GLDC: variants seen among roughly 807,000 people sequenced by gnomAD.
The protein encoded by GLDC is glycine dehydrogenase (decarboxylating), mitochondrial.
In GLDC, 104 loss-of-function variants were observed where a neutral mutation model predicts 121.3. The ratio of observed to expected loss-of-function variants is 0.86; its 90% CI spans 0.73 to 1.01. GLDC has a LOEUF of 1.01. Among genes scored for constraint, GLDC ranks in the 50% least tolerant of loss-of-function variants. The pLI, the probability that GLDC is intolerant of heterozygous loss-of-function variation, is 0.00. For synonymous variants in GLDC, 546 were observed against 480.6 expected (o/e 1.14, Z -1.78); for missense variants, 1,429 against 1,306.6 (o/e 1.09, Z -1.44).
intron 24 of GLDC, chr9:6,533,929 T>C (rs1386276313): frequency 1.3e-5 from 2 of 150,846 alleles, no homozygotes; most frequent in African/African-American, 4.9e-5. Context: ...AAAAAAAGCA[T>C]CAGCTGGGCG....
At chr9:6,577,574 G>A (rs936822734) in intron 15 of GLDC, among the ~76,000 whole-genome samples, 3 of 152,048 alleles carry the variant, frequency 2.0e-5, no homozygotes, top group Non-Finnish European at 4.4e-5. Context: ...ATATGATCAA[G>A]GCTTTAAAAA....
intron 3 of GLDC, among the ~76,000 whole-genome samples, chr9:6,619,615 C>G (rs183791230): frequency 6.6e-6 from 1 of 152,236 alleles, no homozygotes; most frequent in East Asian, 1.9e-4. Context: ...GTAATCCCAG[C>G]TACTTGGGAG....
At chr9:6,568,613 C>T (rs1201133815) in intron 15 of GLDC, among the ~76,000 whole-genome samples, 22 of 151,590 alleles carry the variant, frequency 1.5e-4, no homozygotes. Flanking sequence ...TTTGGGAGGC[C>T]AAGGTGGGCG....
At chr9:6,558,488 C>T (rs1817680842) in intron 17 of GLDC, 71 bp downstream of exon 17, 1 of 1,527,274 alleles carries the variant, frequency 6.5e-7, no homozygotes, top group African/African-American at 1.4e-5. Flanking sequence ...TTACATAATC[C>T]ATCAAGTCCC....
chr9:6,553,521 T>TG lies in GLDC; in HGVS notation c.2316-13_2316-12insC. 6.2e-7 allele frequency: 1 copy of TG among 1,613,556 alleles called. No homozygotes were observed. The highest frequency in any genetic ancestry group is 8.5e-7 in the Non-Finnish European group (1 of 1,179,602). On this transcript the variant is annotated splice_polypyrimidine_tract_variant and intron_variant, in intron 19 of 24. Coordinates refer to ENST00000321612, the MANE Select transcript of GLDC (RefSeq NM_000170.3). ...CGAGATGTTTCTTCCTGTATTTTTT[T>TG]TAAGTGCAAATTCAGAAAATGTAAA...
rs578108558 is a variant in GLDC, at chr9:6,641,352, A to C, written c.334+3262T>G. Among the ~76,000 whole-genome samples the C allele has an allele frequency of 3.9e-5, 6 of 152,204 alleles. No homozygotes were observed. In the South Asian group the frequency reaches 1.2e-3, roughly 32 times the overall value. On this transcript the variant is annotated intron_variant, in intron 2 of 24. Transcript: ENST00000321612. ...GCTGCCAGGAAGCTGCTGCGTTTCCACTGGGGCAGTTGGCATATGGCAGGG... is the reference window on the plus strand; with the variant it reads ...GCTGCCAGGAAGCTGCTGCGTTTCCCCTGGGGCAGTTGGCATATGGCAGGG...
chr9:6,554,434 C>A (rs1817576580), intron 19 of GLDC, among the ~76,000 whole-genome samples: 1 of 152,162 alleles, frequency 6.6e-6, no homozygotes, highest in African/African-American at 2.4e-5. Flanking sequence ...TGTCTATGTG[C>A]AACTGGAAGC....
chr9:6,563,843 T>C (rs1817803417), intron 16 of GLDC, among the ~76,000 whole-genome samples: 1 of 151,982 alleles, frequency 6.6e-6, no homozygotes, highest in African/African-American at 2.4e-5. Context: ...TCTTTAGACA[T>C]GAATTCTAGG....
At chr9:6,616,563 A>C (rs1041907074) in intron 3 of GLDC, among the ~76,000 whole-genome samples, 1 of 152,228 alleles carries the variant, frequency 6.6e-6, no homozygotes, top group Non-Finnish European at 1.5e-5. Flanking sequence ...TTTCAGGAGA[A>C]AAATACTATC....
intron 16 of GLDC, among the ~76,000 whole-genome samples, chr9:6,564,728 C>A (rs1037142542): frequency 3.3e-5 from 5 of 152,236 alleles, no homozygotes; most frequent in African/African-American, 1.2e-4. Flanking sequence ...GGCACTGCCC[C>A]TGGGGGGAGC....
rs752943013 is a variant in GLDC at position 6,536,196 on chromosome 9, G to A, written c.2706C>T (p.Thr902=). The A allele has an allele frequency of 1.2e-6, 2 of 1,613,894 alleles. No individual in the cohort carries two copies. Among genetic ancestry groups the A allele is most frequent in the South Asian group, 1.1e-5 (1 of 91,044 alleles). The change falls in exon 23 of 25, where the codon ACC becomes ACT. Residue 902 remains threonine, a synonymous_variant. Transcript: ENST00000321612. ...APTMSWPVAG[T]LMVEPTESED... is the part of the protein sequence containing the mutation. ...CCGACTCAGTGGGCTCCACCATGAG[G>A]GTCCCTGCCACAGGCCAGGACATGG...
intron 16 of GLDC, among the ~76,000 whole-genome samples, chr9:6,561,157 C>G (rs1817750268): frequency 6.6e-6 from 1 of 152,126 alleles, no homozygotes; most frequent in Admixed American, 6.6e-5. Context: ...TTGTTTTAAG[C>G]CACTAAGCCT....
chr9:6,632,078 T>G (rs2129988197), intron 2 of GLDC, among the ~76,000 whole-genome samples: 1 of 152,216 alleles, frequency 6.6e-6, no homozygotes. Flanking sequence ...AAAAAAGTCA[T>G]ATGGAGAAAT....
intron 17 of GLDC, chr9:6,557,826 G>C (rs1217146970): frequency 6.5e-6 from 1 of 153,990 alleles, no homozygotes; most frequent in Non-Finnish European, 1.4e-5. Flanking sequence ...CTATAATGGA[G>C]GGACTTAATA....
At chr9:6,550,444 T>C (rs1182087842) in intron 21 of GLDC, among the ~76,000 whole-genome samples, 3 of 152,094 alleles carry the variant, frequency 2.0e-5, no homozygotes, top group Non-Finnish European at 2.9e-5. Flanking sequence ...CTGGCCAATA[T>C]GGTGAAACCC....
intron 20 of GLDC, 54 bp from the exon 21 acceptor site, chr9:6,550,968 G>T: frequency 8.5e-7 from 1 of 1,182,938 alleles, no homozygotes; most frequent in Non-Finnish European, 1.3e-6. Flanking sequence ...ACACGAATGT[G>T]AAGAAACCAA....
At chr9:6,568,028 A>G (rs900997450) in intron 15 of GLDC, among the ~76,000 whole-genome samples, 3 of 152,204 alleles carry the variant, frequency 2.0e-5, no homozygotes, top group African/African-American at 7.2e-5. Context: ...AAAACATTTT[A>G]TATTTACCCC....
intron 15 of GLDC, among the ~76,000 whole-genome samples, chr9:6,566,961 G>T (rs553269898): frequency 5.9e-5 from 9 of 152,186 alleles, no homozygotes; most frequent in Non-Finnish European, 8.8e-5. Flanking sequence ...TGAAGACTTG[G>T]GTGTGGAGTC....
chr9:6,553,504 T>A lies in GLDC; in HGVS notation c.2321A>T (p.Lys774Ile), dbSNP rs777256135. The A allele has an allele frequency of 6.2e-7, 1 of 1,605,906 alleles. No homozygotes were observed. Among genetic ancestry groups the A allele is most frequent in the South Asian group, 1.1e-5 (1 of 90,634 alleles). Reference protein sequence around the residue: ...GPGMGPIGVKKHLAPFLPNHP... With the variant: ...GPGMGPIGVKIHLAPFLPNHP... The stretch of plus-strand genomic sequence containing the variant: ...ATTGGGCAAAAACGGGGCGAGATGT[T>A]TCTTCCTGTATTTTTTTTAAGTGCA... Residue 774 changes from lysine to isoleucine, a missense_variant, in exon 20 of 25, where the codon AAA becomes ATA. By Grantham distance (102) the Lys-to-Ile change is moderately radical. Transcript: ENST00000321612.
Sources: gnomAD v4.1 joint callset for allele counts (sites outside exome capture counted in the v4.1 genomes callset) on GRCh38, gnomAD v4.1.1 for gene constraint, MANE v1.5 for transcripts, NCBI Gene and HGNC (gene_info 2026-07-23, HGNC 2026-07-21) for gene names.